The following FTO variants were observed in gnomAD, a reference collection of about 807,000 sequenced individuals.
FTO encodes alpha-ketoglutarate-dependent dioxygenase FTO.
FTO carries 47 observed loss-of-function variants against 63.9 expected under a neutral mutation model. The observed-to-expected ratio is 0.74, with a 90% CI of 0.58 to 0.94. The LOEUF is 0.94. Ranked by LOEUF, FTO falls within the 40% of genes least tolerant of loss-of-function variation. The pLI, the probability that FTO is intolerant of heterozygous loss-of-function variation, is 0.00. For synonymous variants in FTO, 207 were observed against 224.4 expected (o/e 0.92, Z 0.69); for missense variants, 562 against 618.1 (o/e 0.91, Z 0.96).
intron 8 of FTO, chr16:54,072,227 T>C (rs1327869550): frequency 6.6e-6 from 1 of 152,220 alleles, no homozygotes; most frequent in East Asian, 1.9e-4. Flanking sequence ...TATCTGCAAG[T>C]GTTTCTTTAA....
chr16:53,928,929 T>C (rs572464140), intron 7 of FTO, among the ~76,000 whole-genome samples: 231 of 152,198 alleles, frequency 1.5e-3, no homozygotes, highest in Non-Finnish European at 2.5e-3. Flanking sequence ...CTACAACCTA[T>C]GCCTCCTGGG....
chr16:53,950,096 A>G (rs1322273279), intron 8 of FTO, among the ~76,000 whole-genome samples: 3 of 145,024 alleles, frequency 2.1e-5, no homozygotes, highest in Non-Finnish European at 4.5e-5. Flanking sequence ...GGTGTGTAAC[A>G]CAAAATCTAT....
intron 8 of FTO, among the ~76,000 whole-genome samples, chr16:54,018,265 T>C (rs1386419562): frequency 6.6e-6 from 1 of 152,162 alleles, no homozygotes; most frequent in Non-Finnish European, 1.5e-5. Context: ...TGACAAACTC[T>C]CTCCAAAAGG....
chr16:53,876,039 A>G (rs544766720), intron 5 of FTO, among the ~76,000 whole-genome samples: 2 of 152,342 alleles, frequency 1.3e-5, no homozygotes, highest in Non-Finnish European at 2.9e-5. Context: ...GATTCAATAC[A>G]GAATGTCTTT....
At chr16:53,714,951 C>T (rs975442701) in intron 1 of FTO, among the ~76,000 whole-genome samples, 5 of 152,270 alleles carry the variant, frequency 3.3e-5, no homozygotes, top group Middle Eastern at 3.4e-3. Context: ...AGAACGAAGA[C>T]ACGCACACTT....
intron 8 of FTO, among the ~76,000 whole-genome samples, chr16:54,061,498 C>T (rs2085570470): frequency 1.3e-5 from 2 of 151,704 alleles, no homozygotes; most frequent in African/African-American, 4.9e-5. Context: ...TTTGTTTTTC[C>T]AGTGTCAGAA....
chr16:53,735,651 CCAG>C (rs1443793736), intron 1 of FTO, among the ~76,000 whole-genome samples: 2 of 152,290 alleles, frequency 1.3e-5, no homozygotes, highest in South Asian at 2.1e-4. Flanking sequence ...GTGAGTAATT[CCAG>C]CAGCAGCTCA....
intron 8 of FTO, among the ~76,000 whole-genome samples, chr16:53,967,000 C>T (rs1281169926): frequency 1.3e-5 from 2 of 152,220 alleles, no homozygotes; most frequent in African/African-American, 4.8e-5. Context: ...GTCTTCGTAT[C>T]AGCCTCCCAT....
chr16:54,097,439 C>T (rs1239723623), intron 8 of FTO, among the ~76,000 whole-genome samples: 1 of 152,030 alleles, frequency 6.6e-6, no homozygotes, highest in South Asian at 2.1e-4. Context: ...CTTCTGGGCT[C>T]AAGTGATCCT....
intron 4 of FTO, among the ~76,000 whole-genome samples, chr16:53,859,337 G>A (rs538619073): frequency 6.6e-6 from 1 of 152,072 alleles, no homozygotes; most frequent in African/African-American, 2.4e-5. Context: ...CAATTAAGAA[G>A]GATAGCTATG....
chr16:53,897,620 T>C (rs2081306695), intron 7 of FTO, among the ~76,000 whole-genome samples: 2 of 152,218 alleles, frequency 1.3e-5, no homozygotes, highest in African/African-American at 4.8e-5. Flanking sequence ...CATAAACTTT[T>C]CATGCAGTTA....
At chr16:53,770,911 C>T (rs1307265736) in intron 1 of FTO, among the ~76,000 whole-genome samples, 1 of 152,054 alleles carries the variant, frequency 6.6e-6, no homozygotes, top group Non-Finnish European at 1.5e-5. Context: ...GTTTGCGAGA[C>T]GTTGTTTGAA....
At position 54,117,824 on chromosome 16, in the gene FTO, A is replaced by G. The variant is rs1352701174; in HGVS notation, c.*5909A>G. 1 of 152,168 alleles carries G rather than the reference A, an allele frequency of 6.6e-6. No homozygotes were observed. The highest frequency in any genetic ancestry group is 1.5e-5 in the Non-Finnish European group (1 of 68,028). 9.4% of individuals were successfully genotyped at this position (152,168 alleles called of 1,614,324 possible). A position where few individuals can be genotyped will look rare whatever the true frequency, so the allele number is the denominator to read the frequency against. Reference sequence around the variant, plus strand: ...ATCTGTGTACAACAATTGTTTATTGACTCTGAATGTCTAAGTACCAGGGTC... The same window carrying G: ...ATCTGTGTACAACAATTGTTTATTGGCTCTGAATGTCTAAGTACCAGGGTC... On this transcript the variant is annotated 3_prime_UTR_variant, in exon 9 of 9. Transcript: ENST00000471389.
intron 8 of FTO, among the ~76,000 whole-genome samples, chr16:54,096,973 C>T (rs1198157703): frequency 7.2e-5 from 11 of 152,178 alleles, no homozygotes; most frequent in African/African-American, 2.7e-4. Flanking sequence ...CTGGAGGCCC[C>T]AAGATGGACT....
chr16:54,001,925 AACTGTTTATAG>A (rs1214094379), intron 8 of FTO, among the ~76,000 whole-genome samples: 3 of 152,158 alleles, frequency 2.0e-5, no homozygotes, highest in African/African-American at 7.2e-5. Flanking sequence ...CTCTCGTTCA[AACTGTTTATAG>A]GCCCCAGAAG....
Position 53,713,414 on chromosome 16 carries a change from C to G in FTO, c.45+9185C>G, listed in dbSNP as rs116701950. Among the ~76,000 whole-genome samples the G allele has an allele frequency of 3.0e-3, 457 of 152,228 alleles. 4 individuals carry two copies. Among genetic ancestry groups the G allele is most frequent in the African/African-American group, 0.01 (434 of 41,542 alleles). ...TTTTGTTAAGGTGGTACTTTTGGAA[C>G]CTTAATGAAAAACACACCTTAGAGA... On this transcript the variant is annotated intron_variant, in intron 1 of 8. Transcript: ENST00000471389.
chr16:53,939,652 G>A (rs994907338), intron 8 of FTO, among the ~76,000 whole-genome samples: 2 of 152,034 alleles, frequency 1.3e-5, no homozygotes, highest in Non-Finnish European at 2.9e-5. Flanking sequence ...GCAACCACCA[G>A]TCTACTTTTT....
intron 1 of FTO, among the ~76,000 whole-genome samples, chr16:53,809,814 C>T (rs1014411387): frequency 2.0e-5 from 3 of 151,650 alleles, no homozygotes; most frequent in African/African-American, 4.8e-5. Context: ...ATGGTGGCAC[C>T]GCTGTAGTCC....
rs577872872 is a variant in FTO at position 53,707,881 on chromosome 16, A to T, written c.45+3652A>T. Among the ~76,000 whole-genome samples the T allele has an allele frequency of 4.6e-5, 7 of 152,330 alleles. No individual in the cohort carries two copies. In the South Asian group the frequency reaches 1.4e-3, roughly 32 times the overall value. On this transcript the variant is annotated intron_variant, in intron 1 of 8. Transcript: ENST00000471389. ...TTGTATTCATTTGCAGTTATTTCTCAATTCTACTTCCTCCCTAGGGAACCA... is the reference window on the plus strand; with the variant it reads ...TTGTATTCATTTGCAGTTATTTCTCTATTCTACTTCCTCCCTAGGGAACCA...
Sources: gnomAD v4.1 joint callset for allele counts (sites outside exome capture counted in the v4.1 genomes callset) on GRCh38, gnomAD v4.1.1 for gene constraint, MANE v1.5 for transcripts, NCBI Gene and HGNC (gene_info 2026-07-23, HGNC 2026-07-21) for gene names.